Variants in CTNNA3 observed in about 807,000 individuals in gnomAD.
CTNNA3 encodes the protein catenin alpha-3.
Under a neutral mutation model 95.7 loss-of-function variants are expected in CTNNA3, and 76 were observed. That is an observed-to-expected ratio of 0.79 (90% CI 0.66 to 0.96). The LOEUF is 0.96. Ranked by LOEUF, CTNNA3 falls within the 40% of genes least tolerant of loss-of-function variation. The pLI is 0.00. For synonymous variants in CTNNA3, 431 were observed against 374.4 expected, an observed-to-expected ratio of 1.15 and a Z score of -1.74; for missense variants, 1,191 against 1,089.8, an observed-to-expected ratio of 1.09 and a Z score of -1.31.
chr10:66,807,401 G>A (rs1456469962), intron 7 of CTNNA3, among the ~76,000 whole-genome samples: 3 of 152,066 alleles, frequency 2.0e-5, no homozygotes, highest in Non-Finnish European at 2.9e-5. Context: ...GTGCCAGCAC[G>A]GCCTTTACTC....
At chr10:67,751,343 G>C (rs1245517317) in intron 1 of CTNNA3, 2 of 691,362 alleles carry the variant, frequency 2.9e-6, no homozygotes, top group African/African-American at 1.8e-5. Flanking sequence ...CAGTGACTTC[G>C]TCCTGTTGCA....
At chr10:66,254,826 T>C (rs1403589682) in intron 13 of CTNNA3, among the ~76,000 whole-genome samples, 1 of 152,214 alleles carries the variant, frequency 6.6e-6, no homozygotes, top group East Asian at 1.9e-4. Context: ...GGAGTGTCTG[T>C]CTGTCTCTGC....
At chr10:67,543,801 T>C (rs1390782979) in intron 3 of CTNNA3, among the ~76,000 whole-genome samples, 1 of 152,158 alleles carries the variant, frequency 6.6e-6, no homozygotes, top group Non-Finnish European at 1.5e-5. Flanking sequence ...TTATTTGTTT[T>C]TGGTTGGGAA....
At chr10:65,975,584 G>A (rs529551590) in intron 16 of CTNNA3, among the ~76,000 whole-genome samples, 35 of 152,102 alleles carry the variant, frequency 2.3e-4, no homozygotes, top group Non-Finnish European at 4.3e-4. Flanking sequence ...TACCTAAAAC[G>A]ATGAAAAACA....
chr10:67,193,534 G>A (rs1175838154), intron 6 of CTNNA3, among the ~76,000 whole-genome samples: 1 of 151,742 alleles, frequency 6.6e-6, no homozygotes, highest in Middle Eastern at 3.2e-3. Flanking sequence ...AGTGCCTGTT[G>A]TTTCCCTTTA....
At chr10:65,995,740 G>A (rs1001846611) in intron 15 of CTNNA3, among the ~76,000 whole-genome samples, 1 of 152,228 alleles carries the variant, frequency 6.6e-6, no homozygotes, top group Non-Finnish European at 1.5e-5. Context: ...AACCCCATGG[G>A]CTCACAGATA....
At chr10:67,753,040 C>T (rs1353611242) in intron 1 of CTNNA3, among the ~76,000 whole-genome samples, 2 of 152,074 alleles carry the variant, frequency 1.3e-5, no homozygotes, top group Admixed American at 1.3e-4. Flanking sequence ...AAGAACAAAG[C>T]TGGAGGCATC....
intron 7 of CTNNA3, among the ~76,000 whole-genome samples, chr10:66,791,312 A>G (rs957707040): frequency 2.6e-5 from 4 of 152,132 alleles, no homozygotes; most frequent in Non-Finnish European, 5.9e-5. Context: ...CTCCATCTCA[A>G]GCCACCTCTT....
At chr10:65,968,547 C>T (rs1174225423) in intron 16 of CTNNA3, among the ~76,000 whole-genome samples, 1 of 152,134 alleles carries the variant, frequency 6.6e-6, no homozygotes, top group Non-Finnish European at 1.5e-5. Context: ...TCAGGCTGAG[C>T]TTCCCTACCC....
intron 11 of CTNNA3, among the ~76,000 whole-genome samples, chr10:66,495,569 T>C (rs1840071907): frequency 6.6e-6 from 1 of 152,172 alleles, no homozygotes; most frequent in African/African-American, 2.4e-5. Flanking sequence ...AACACAAAAG[T>C]ATCTACGTAA....
chr10:65,922,561 T>C (rs2077104771), intron 17 of CTNNA3, among the ~76,000 whole-genome samples: 1 of 152,230 alleles, frequency 6.6e-6, no homozygotes, highest in Non-Finnish European at 1.5e-5. Flanking sequence ...AATCACATTA[T>C]AGGTTCTAGG....
rs749816502 is a variant in CTNNA3 at position 66,173,771 on chromosome 10, A to AT, written c.1885-70523dup. Among the ~76,000 whole-genome samples the AT allele has an allele frequency of 4.6e-5, 7 of 152,248 alleles. No individual in the cohort carries two copies. In the East Asian group the frequency reaches 1.4e-3, roughly 29 times the overall value. On this transcript the variant is annotated intron_variant, in intron 13 of 17. Coordinates refer to ENST00000433211, the MANE Select transcript of CTNNA3 (RefSeq NM_013266.4). The stretch of plus-strand genomic sequence containing the variant: ...AGGAACACAGAGAATTTAGGTACAT[A>AT]TTTTTTATTTTAATATTTAAATAAC...
At chr10:66,732,297 G>A (rs1848987633) in intron 9 of CTNNA3, among the ~76,000 whole-genome samples, 1 of 152,140 alleles carries the variant, frequency 6.6e-6, no homozygotes, top group Non-Finnish European at 1.5e-5. Context: ...CTCTCTCTCT[G>A]TAAATTGACA....
intron 13 of CTNNA3, among the ~76,000 whole-genome samples, chr10:66,252,114 T>C (rs915595096): frequency 2.6e-5 from 4 of 152,182 alleles, no homozygotes; most frequent in Non-Finnish European, 5.9e-5. Flanking sequence ...GAAGGCAGTG[T>C]TGATGAGAGT....
chr10:67,076,158 T>G (rs1054736941), intron 7 of CTNNA3, among the ~76,000 whole-genome samples: 1 of 152,196 alleles, frequency 6.6e-6, no homozygotes, highest in African/African-American at 2.4e-5. Context: ...AGTGAATAAT[T>G]TCAGAAGATT....
chr10:67,480,176 G>C (rs1848166622), intron 5 of CTNNA3, among the ~76,000 whole-genome samples: 1 of 151,860 alleles, frequency 6.6e-6, no homozygotes, highest in African/African-American at 2.4e-5. Context: ...AGAGTTTATA[G>C]CAATCCTACT....
chr10:66,846,874 C>A (rs1489111027), intron 7 of CTNNA3, among the ~76,000 whole-genome samples: 1 of 152,074 alleles, frequency 6.6e-6, no homozygotes, highest in Non-Finnish European at 1.5e-5. Context: ...GGTCTGAAAT[C>A]CCTATTGGTA....
chr10:67,650,550 G>C (rs1001300078), intron 1 of CTNNA3, among the ~76,000 whole-genome samples: 1 of 152,246 alleles, frequency 6.6e-6, no homozygotes, highest in Non-Finnish European at 1.5e-5. Flanking sequence ...TGTCTGCAAT[G>C]ACTCAATTTT....
At chr10:67,050,850 T>C (rs1038526972) in intron 7 of CTNNA3, among the ~76,000 whole-genome samples, 15 of 152,232 alleles carry the variant, frequency 9.9e-5, no homozygotes, top group African/African-American at 3.6e-4. Context: ...TCTTAAAATA[T>C]TTATGCAAAG....
Sources: gnomAD v4.1 joint callset for allele counts (sites outside exome capture counted in the v4.1 genomes callset) on GRCh38, gnomAD v4.1.1 for gene constraint, MANE v1.5 for transcripts, NCBI Gene and HGNC (gene_info 2026-07-23, HGNC 2026-07-21) for gene names.